DDX4: variants seen among roughly 807,000 people sequenced by gnomAD.
DDX4 encodes probable ATP-dependent RNA helicase DDX4.
A neutral mutation model predicts 100.0 loss-of-function variants in DDX4; 25 were observed. The ratio of observed to expected loss-of-function variants is 0.25; its 90% CI spans 0.18 to 0.35. The LOEUF (loss-of-function observed/expected upper bound fraction) is 0.35, where lower values mean the gene tolerates loss of function less well. DDX4 is among the 10% of genes least tolerant of loss of function. The pLI is 1.00. For synonymous variants in DDX4, 259 were observed against 275.7 expected, an observed-to-expected ratio of 0.94 and a Z score of 0.60; for missense variants, 635 against 882.4, an observed-to-expected ratio of 0.72 and a Z score of 3.55.
chr5:55,800,800 G>A lies in DDX4; in HGVS notation c.1615+2229G>A, dbSNP rs75570087. Among the ~76,000 whole-genome samples, 525 of 152,162 alleles carry A rather than the reference G, an allele frequency of 3.5e-3. 7 individuals are homozygous for A. The highest frequency in any genetic ancestry group is 0.012 in the African/African-American group (509 of 41,510). ...TGTGAAATATTTTTTTTGGTTTAGT[G>A]TTCATAGTTGATACCTTTTTAACTT... On this transcript the variant is annotated intron_variant, in intron 18 of 21. Transcript: ENST00000505374.
intron 17 of DDX4, among the ~76,000 whole-genome samples, chr5:55,796,823 CTTTTTTTTTTTTTTTTTTTTT>C (rs3990072): frequency 1.0e-4 from 6 of 59,936 alleles, no homozygotes; most frequent in African/African-American, 2.4e-4. Context: ...TTCTTTCTTT[CTTTTTTTTTTTTTTTTTTTTT>C]TTTTTTTTTT....
chr5:55,744,773 C>T (rs1222313519), intron 2 of DDX4, among the ~76,000 whole-genome samples: 1 of 152,244 alleles, frequency 6.6e-6, no homozygotes, highest in African/African-American at 2.4e-5. Context: ...GATGCTACAG[C>T]TGAGGATATA....
intron 2 of DDX4, chr5:55,742,157 A>G (rs2150804173): frequency 2.2e-6 from 1 of 456,312 alleles, no homozygotes; most frequent in Non-Finnish European, 4.4e-6. Flanking sequence ...GAAAGATTTT[A>G]TAATGTGGCA....
chr5:55,790,794 T>G (rs1238678052), intron 16 of DDX4, 89 bp downstream of exon 16: 5 of 1,146,640 alleles, frequency 4.4e-6, no homozygotes, highest in Non-Finnish European at 6.5e-6. Flanking sequence ...ACAGATGTAT[T>G]TAGTAGAGCA....
intron 15 of DDX4, 134 bp from the exon 16 acceptor site, chr5:55,790,442 A>C (rs1742497041): frequency 1.5e-6 from 1 of 662,554 alleles, no homozygotes; most frequent in Admixed American, 2.9e-5. Context: ...CACTGCACCC[A>C]GCCAGAATTT....
chr5:55,761,203 T>C (rs1740523117), intron 4 of DDX4, among the ~76,000 whole-genome samples: 1 of 152,200 alleles, frequency 6.6e-6, no homozygotes, highest in Non-Finnish European at 1.5e-5. Flanking sequence ...GCCTGCATAT[T>C]AAGATGCATT....
At chr5:55,811,261 C>T (rs1230405854) in intron 18 of DDX4, among the ~76,000 whole-genome samples, 2 of 152,038 alleles carry the variant, frequency 1.3e-5, no homozygotes, top group Non-Finnish European at 2.9e-5. Flanking sequence ...TAAATCAAAG[C>T]AGATAAAATT....
At chr5:55,764,118 A>T in intron 6 of DDX4, 54 bp downstream of exon 6, 1 of 1,306,800 alleles carries the variant, frequency 7.7e-7, no homozygotes. Flanking sequence ...ACATGCTAAA[A>T]AAGAGAAATT....
At chr5:55,800,612 C>G (rs1454184479) in intron 18 of DDX4, among the ~76,000 whole-genome samples, 1 of 152,184 alleles carries the variant, frequency 6.6e-6, no homozygotes, top group Non-Finnish European at 1.5e-5. Context: ...GCATGAGCCA[C>G]TGTGCCCGGC....
At chr5:55,759,088 G>C (rs1170301203) in intron 3 of DDX4, among the ~76,000 whole-genome samples, 2 of 151,530 alleles carry the variant, frequency 1.3e-5, no homozygotes, top group African/African-American at 4.9e-5. Flanking sequence ...ATACTGTCTT[G>C]CTATGTTGCC....
chr5:55,763,067 C>T, intron 4 of DDX4, 108 bp from the exon 5 acceptor site: 3 of 691,642 alleles, frequency 4.3e-6, no homozygotes, highest in South Asian at 2.0e-5. Context: ...TACTCTTTTC[C>T]CATCCTTGGA....
chr5:55,754,782 G>A lies in DDX4; in HGVS notation c.128-5418G>A, dbSNP rs1004231731. On this transcript the variant is annotated intron_variant, in intron 3 of 21. Transcript: ENST00000505374. ...CCTCCTTGTACCTCTGGTAGAATTCGGCTGTGAATCCATCTGGTCCTGGAC... is the reference window on the plus strand; with the variant it reads ...CCTCCTTGTACCTCTGGTAGAATTCAGCTGTGAATCCATCTGGTCCTGGAC... Among the ~76,000 whole-genome samples the A allele has an allele frequency of 8.0e-5, 12 of 150,838 alleles. No individual in the cohort carries two copies. The East Asian group carries it at 9.8e-4, about 12-fold the overall frequency.
chr5:55,814,080 T>C (rs1440341424), intron 19 of DDX4, among the ~76,000 whole-genome samples: 1 of 152,182 alleles, frequency 6.6e-6, no homozygotes, highest in Non-Finnish European at 1.5e-5. Context: ...TCTGGCCCCT[T>C]ATCAAATTTT....
chr5:55,763,536 A>G (rs1270014624), intron 5 of DDX4, among the ~76,000 whole-genome samples: 1 of 152,184 alleles, frequency 6.6e-6, no homozygotes, highest in Admixed American at 6.5e-5. Context: ...ATAAGTTTGA[A>G]AGCAAAACTT....
intron 21 of DDX4, 97 bp from the exon 22 acceptor site, chr5:55,816,366 T>G: frequency 6.7e-7 from 1 of 1,484,074 alleles, no homozygotes; most frequent in Non-Finnish European, 9.0e-7. Context: ...GTAGATACTT[T>G]GAGTCCTTGC....
chr5:55,757,692 C>T (rs778264031), intron 3 of DDX4, among the ~76,000 whole-genome samples: 2 of 152,200 alleles, frequency 1.3e-5, no homozygotes, highest in Admixed American at 1.3e-4. Context: ...AAAAAATCTA[C>T]TGTATTGAAG....
intron 5 of DDX4, 62 bp downstream of exon 5, chr5:55,763,314 T>G (rs1740683602): frequency 2.9e-6 from 3 of 1,032,248 alleles, no homozygotes; most frequent in Admixed American, 3.4e-5. Context: ...TAATTGAGTT[T>G]AAATACTGAT....
intron 3 of DDX4, among the ~76,000 whole-genome samples, chr5:55,758,780 A>G (rs899215405): frequency 6.8e-6 from 1 of 147,612 alleles, no homozygotes; most frequent in Non-Finnish European, 1.5e-5. Flanking sequence ...TTAGTCCTCT[A>G]GTAGTTGGTT....
chr5:55,807,473 T>C (rs10073320), intron 18 of DDX4, among the ~76,000 whole-genome samples: 9,390 of 152,258 alleles, frequency 0.062, 406 homozygotes, highest in African/African-American at 0.12. Context: ...GTTATTCCTT[T>C]CCATGTTTAT....
Sources: allele counts gnomAD v4.1 joint callset (sites outside exome capture counted in the v4.1 genomes callset), GRCh38; gene constraint gnomAD v4.1.1; transcripts MANE v1.5; gene names NCBI Gene and HGNC (gene_info 2026-07-23, HGNC 2026-07-21).